Variants in EP400 observed in about 807,000 individuals in gnomAD.
EP400 encodes the protein E1A binding protein p400, also known as E1A-binding protein p400.
A neutral mutation model predicts 354.1 loss-of-function variants in EP400; 105 were observed. The ratio of observed to expected loss-of-function variants is 0.30; its 90% CI spans 0.25 to 0.35. The LOEUF (loss-of-function observed/expected upper bound fraction) is 0.35, where lower values mean the gene tolerates loss of function less well. Ranked by LOEUF, EP400 falls within the 10% of genes least tolerant of loss-of-function variation. EP400 has a pLI of 1.00. For missense variants in EP400, 3,280 were observed against 4,121.0 expected (o/e 0.80, Z 5.59); for synonymous variants, 1,646 against 1,716.9 (o/e 0.96, Z 1.02).
Position 132,013,754 on chromosome 12 carries a change from CAG to C in EP400, c.3787-22_3787-21del, listed in dbSNP as rs1183416172. The stretch of plus-strand genomic sequence containing the variant: ...TACAGCAGCATTTTTGGAAAGAAAA[CAG>C]TAAACAGTTTTTATTTTCAGGTGAC... On this transcript the variant is annotated intron_variant, in intron 18 of 52. Transcript: ENST00000389561. The surrounding 1 kb of genome is among the most constrained non-coding windows in gnomAD (Gnocchi z 4.5). The C allele has an allele frequency of 1.2e-6, 2 of 1,611,952 alleles. No homozygotes were observed.
Position 132,025,569 on chromosome 12 carries a change from T to C in EP400, c.4856-77T>C, listed in dbSNP as rs1191000563. 1.4e-6 allele frequency: 2 copies of C among 1,387,068 alleles called. No homozygotes were observed. The highest frequency in any genetic ancestry group is 1.5e-5 in the African/African-American group (1 of 67,996). 85.9% of individuals were successfully genotyped at this position (1,387,068 alleles called of 1,614,324 possible). A position where few individuals can be genotyped will look rare whatever the true frequency, so the allele number is the denominator to read the frequency against. ...TCAGTTTGTCAACTTATTTTTGTAC[T>C]GTTTGGAAGTGCCTGGAGTGTGTGG... On this transcript the variant is annotated intron_variant, in intron 24 of 52. Coordinates refer to ENST00000389561, the MANE Select transcript of EP400 (RefSeq NM_015409.5). This position sits in a 1 kb window ranked among gnomAD's most constrained non-coding sequence, Gnocchi z 4.1.
In EP400 at chr12:132,067,526, A is replaced by G; in HGVS notation, c.8874+40A>G. On this transcript the variant is annotated intron_variant, in intron 50 of 52. Coordinates refer to ENST00000389561, the MANE Select transcript of EP400 (RefSeq NM_015409.5). This position sits in a 1 kb window ranked among gnomAD's most constrained non-coding sequence, Gnocchi z 5.3. ...GGATTCTCACTTCTGGGTCTATGCC[A>G]AGCCAAAGCTGGCTGCTGGAGGAGA... is the stretch of plus-strand genomic sequence containing the variant. 6.3e-7 allele frequency: 1 copy of G among 1,591,310 alleles called. No homozygotes were observed. Among genetic ancestry groups the G allele is most frequent in the Non-Finnish European group, 8.5e-7 (1 of 1,170,540 alleles).
chr12:132,066,303 A>C (rs1895888865), intron 48 of EP400: 1 of 169,296 alleles, frequency 5.9e-6, no homozygotes. Context: ...TATACATACA[A>C]AAATGGAAGT....
chr12:131,992,167 T>C lies in EP400; in HGVS notation c.2680-6T>C. 6.2e-7 allele frequency: 1 copy of C among 1,606,198 alleles called. No individual in the cohort carries two copies. The highest frequency in any genetic ancestry group is 8.5e-7 in the Non-Finnish European group (1 of 1,179,924). On this transcript the variant is annotated splice_polypyrimidine_tract_variant and splice_region_variant and intron_variant, in intron 10 of 52. Coordinates refer to ENST00000389561, the MANE Select transcript of EP400 (RefSeq NM_015409.5). Reference sequence around the variant, plus strand: ...ATGCTTGTGGTTTTTCTTTCTTTTCTTTCAGGATTCAGGAATGTCTGGAAG... The same window carrying C: ...ATGCTTGTGGTTTTTCTTTCTTTTCCTTCAGGATTCAGGAATGTCTGGAAG...
chr12:132,002,052 T>G (rs1276900428), intron 12 of EP400, among the ~76,000 whole-genome samples: 2 of 152,246 alleles, frequency 1.3e-5, no homozygotes, highest in Non-Finnish European at 2.9e-5. Context: ...GAAGTTACTT[T>G]AGGCCTGACA....
intron 2 of EP400, among the ~76,000 whole-genome samples, chr12:131,971,367 T>A (rs963318079): frequency 7.2e-5 from 11 of 152,242 alleles, no homozygotes; most frequent in African/African-American, 2.7e-4. Context: ...ATATACTATA[T>A]TATCTGTTCA....
At position 132,067,921 on chromosome 12, in the gene EP400, G is replaced by C. The variant is rs1206931954; in HGVS notation, c.8874+435G>C. On this transcript the variant is annotated intron_variant, in intron 50 of 52. Coordinates refer to ENST00000389561, the MANE Select transcript of EP400 (RefSeq NM_015409.5). This position sits in a 1 kb window ranked among gnomAD's most constrained non-coding sequence, Gnocchi z 5.3. ...ACCCCAGACAGGGAATGTGGCCTCT[G>C]TGCATGTTGGTGGTGAAAGGGGAGA... is the stretch of plus-strand genomic sequence containing the variant. Among the ~76,000 whole-genome samples the C allele has an allele frequency of 6.6e-6, 1 of 152,182 alleles. No homozygotes were observed. Among genetic ancestry groups the C allele is most frequent in the African/African-American group, 2.4e-5 (1 of 41,430 alleles).
intron 2 of EP400, among the ~76,000 whole-genome samples, chr12:131,972,480 T>C (rs1892324503): frequency 1.3e-5 from 2 of 152,112 alleles, no homozygotes; most frequent in South Asian, 4.1e-4. Flanking sequence ...GCCAATTGTG[T>C]AATTTTTATT....
At chr12:131,995,094 C>T in intron 12 of EP400, 138 bp downstream of exon 12, 2 of 761,442 alleles carry the variant, frequency 2.6e-6, no homozygotes, top group Non-Finnish European at 4.2e-6. Flanking sequence ...GTGCCTCCTG[C>T]TGCTCTCTCT....
rs61944625 is a variant in EP400 at position 132,078,035 on chromosome 12, G to A, written c.*362G>A. 703 of 227,306 alleles carry A rather than the reference G, an allele frequency of 3.1e-3. 6 individuals are homozygous for A. Among genetic ancestry groups the A allele is most frequent in the Admixed American group, 6.1e-3 (120 of 19,588 alleles). 14.1% of individuals were successfully genotyped at this position (227,306 alleles called of 1,614,324 possible). ...TAGTGCTTTGCACGCCACAGAAGCCGTCTGCCGTGTGTGAGGAGCATACAA... is the reference window on the plus strand; with the variant it reads ...TAGTGCTTTGCACGCCACAGAAGCCATCTGCCGTGTGTGAGGAGCATACAA... On this transcript the variant is annotated 3_prime_UTR_variant, in exon 53 of 53. Coordinates refer to ENST00000389561, the MANE Select transcript of EP400 (RefSeq NM_015409.5).
intron 1 of EP400, among the ~76,000 whole-genome samples, chr12:131,959,618 G>A (rs2136464626): frequency 1.3e-5 from 2 of 152,332 alleles, no homozygotes; most frequent in South Asian, 2.1e-4. Flanking sequence ...TTGTGGTACA[G>A]CCTCCCAGAG....
intron 12 of EP400, among the ~76,000 whole-genome samples, chr12:132,000,445 A>C (rs908361240): frequency 2.0e-5 from 3 of 152,240 alleles, no homozygotes; most frequent in African/African-American, 7.2e-5. Flanking sequence ...AGGTTATGGT[A>C]CAATTCTCTC....
At chr12:131,977,318 T>G (rs868107177) in intron 2 of EP400, among the ~76,000 whole-genome samples, 1 of 150,164 alleles carries the variant, frequency 6.7e-6, no homozygotes, top group South Asian at 2.1e-4. Context: ...TTTTTTTTTT[T>G]GTATTTTTAG....
intron 2 of EP400, among the ~76,000 whole-genome samples, chr12:131,962,856 G>C (rs1891939735): frequency 6.6e-6 from 1 of 152,170 alleles, no homozygotes; most frequent in African/African-American, 2.4e-5. Flanking sequence ...TTAAATCTTT[G>C]TCAGCTCTTC....
At chr12:132,005,497 C>T (rs1004374445) in intron 13 of EP400, among the ~76,000 whole-genome samples, 2 of 152,102 alleles carry the variant, frequency 1.3e-5, no homozygotes, top group African/African-American at 4.8e-5. Flanking sequence ...TTCAACACAC[C>T]AGTTTTGAGT....
intron 2 of EP400, among the ~76,000 whole-genome samples, chr12:131,967,242 G>T (rs7136337): frequency 6.6e-6 from 1 of 151,292 alleles, no homozygotes; most frequent in African/African-American, 2.4e-5. Context: ...TCAGCTGGGC[G>T]TGGTAGTGGG....
chr12:131,983,663 G>T (rs148196833), intron 5 of EP400, among the ~76,000 whole-genome samples: 42 of 152,264 alleles, frequency 2.8e-4, no homozygotes, highest in Non-Finnish European at 5.3e-4. Flanking sequence ...TTTCCTAGGT[G>T]GGCTTTAAGT....
intron 51 of EP400, 92 bp downstream of exon 51, chr12:132,069,733 C>T: frequency 6.5e-7 from 1 of 1,550,078 alleles, no homozygotes; most frequent in Non-Finnish European, 8.8e-7. Flanking sequence ...GCTCCCAGCC[C>T]TTGCGGCTGC....
rs139858251 is a variant in EP400, at chr12:131,986,719, C to T, written c.2135C>T (p.Ser712Phe). The change falls in exon 6 of 53, where the codon TCT becomes TTT. Residue 712 changes from serine (S) to phenylalanine (F), a missense_variant. Transcript: ENST00000389561. ...VTSRTPGVVA[S>F]APTKPQSPAQ... ...TCCCGGACCCCAGGGGTGGTGGCATCTGCCCCCACCAAACCACAGAGTCCT... is the reference window on the plus strand; with the variant it reads ...TCCCGGACCCCAGGGGTGGTGGCATTTGCCCCCACCAAACCACAGAGTCCT... 1.2e-5 allele frequency: 19 copies of T among 1,614,086 alleles called. No homozygotes were observed. The African/African-American group carries it at 1.7e-4, about 15-fold the overall frequency.
Sources: allele counts gnomAD v4.1 joint callset (sites outside exome capture counted in the v4.1 genomes callset), GRCh38; gene constraint gnomAD v4.1.1; non-coding constraint Gnocchi (gnomAD v3.1); transcripts MANE v1.5; gene names NCBI Gene and HGNC (gene_info 2026-07-23, HGNC 2026-07-21).